HUNK: variants seen among roughly 807,000 people sequenced by gnomAD.
HUNK encodes the protein hormonally up-regulated Neu-associated kinase, also known as hormonally up-regulated neu tumor-associated kinase.
A neutral mutation model predicts 61.0 loss-of-function variants in HUNK; 21 were observed. That is an observed-to-expected ratio of 0.34 (90% CI 0.24 to 0.50). HUNK has a LOEUF of 0.50. HUNK is among the 20% of genes least tolerant of loss of function. HUNK has a pLI of 0.98. For synonymous variants in HUNK, 371 were observed against 386.1 expected (o/e 0.96, Z 0.46); for missense variants, 772 against 945.7 (o/e 0.82, Z 2.41).
At chr21:31,934,662 C>T (rs2052720462) in intron 2 of HUNK, among the ~76,000 whole-genome samples, 1 of 152,108 alleles carries the variant, frequency 6.6e-6, no homozygotes, top group Non-Finnish European at 1.5e-5. Flanking sequence ...CTCCTCTTTC[C>T]CACCCTTCTC....
At chr21:31,905,666 G>A (rs1231367043) in intron 1 of HUNK, among the ~76,000 whole-genome samples, 2 of 152,214 alleles carry the variant, frequency 1.3e-5, no homozygotes, top group Non-Finnish European at 2.9e-5. Flanking sequence ...GGGAGGCCAG[G>A]AGGATTTATG....
At chr21:31,878,085 C>A (rs2052278902) in intron 1 of HUNK, among the ~76,000 whole-genome samples, 1 of 151,080 alleles carries the variant, frequency 6.6e-6, no homozygotes. Flanking sequence ...ATGGTGAAAC[C>A]CTGTCTCTAA....
intron 1 of HUNK, among the ~76,000 whole-genome samples, chr21:31,887,822 C>T (rs1195085119): frequency 6.6e-6 from 1 of 152,152 alleles, no homozygotes; most frequent in South Asian, 2.1e-4. Context: ...GGATTCTTAG[C>T]GATTCCCTTG....
At chr21:31,891,780 A>G (rs1157029076) in intron 1 of HUNK, among the ~76,000 whole-genome samples, 2 of 152,154 alleles carry the variant, frequency 1.3e-5, no homozygotes, top group South Asian at 2.1e-4. Flanking sequence ...TGTCTAACCA[A>G]TCCAGTAGTC....
At chr21:31,894,717 A>G (rs1393824405) in intron 1 of HUNK, among the ~76,000 whole-genome samples, 1 of 152,180 alleles carries the variant, frequency 6.6e-6, no homozygotes, top group Non-Finnish European at 1.5e-5. Flanking sequence ...TTCCTGTTTG[A>G]ATGGATGCAG....
At chr21:31,938,240 C>T (rs2052744885) in intron 2 of HUNK, among the ~76,000 whole-genome samples, 1 of 152,318 alleles carries the variant, frequency 6.6e-6, no homozygotes, top group African/African-American at 2.4e-5. Context: ...CAGTGTTCCC[C>T]ACCAGCCTGT....
intron 4 of HUNK, among the ~76,000 whole-genome samples, chr21:31,948,186 C>T (rs115079266): frequency 0.012 from 1,876 of 152,350 alleles, 25 homozygotes; most frequent in African/African-American, 0.041. Context: ...AGCTCTCCAA[C>T]GTGGCGTGTG....
chr21:31,876,316 T>C (rs1177732650), intron 1 of HUNK, among the ~76,000 whole-genome samples: 1 of 152,180 alleles, frequency 6.6e-6, no homozygotes, highest in African/African-American at 2.4e-5. Flanking sequence ...GCTCCAGGGA[T>C]TGCGGGCATT....
intron 6 of HUNK, chr21:31,974,210 G>T: frequency 6.0e-6 from 1 of 167,208 alleles, no homozygotes; most frequent in Non-Finnish European, 1.3e-5. Flanking sequence ...AAATTTTATT[G>T]GGTATGTTGA....
chr21:31,921,053 G>A (rs1173998342), intron 1 of HUNK, among the ~76,000 whole-genome samples: 1 of 150,606 alleles, frequency 6.6e-6, no homozygotes, highest in East Asian at 2.0e-4. Flanking sequence ...TCAGGAGGCT[G>A]AGGCAGGAGA....
rs558367880 is a variant in HUNK at position 32,000,779 on chromosome 21, C to T, written c.*1595C>T. The stretch of plus-strand genomic sequence containing the variant: ...TCATTCTCTCATTCACCAGTGGTGA[C>T]ATCCTTCAGTCCCTCACATCTCTGA... On this transcript the variant is annotated 3_prime_UTR_variant, in exon 11 of 11. Coordinates refer to ENST00000270112, the MANE Select transcript of HUNK (RefSeq NM_014586.2). The T allele has an allele frequency of 3.5e-4, 140 of 398,652 alleles. No homozygotes were observed. Among genetic ancestry groups the T allele is most frequent in the African/African-American group, 2.3e-3 (113 of 48,764 alleles). 24.7% of individuals were successfully genotyped at this position (398,652 alleles called of 1,614,324 possible). A position where few individuals can be genotyped will look rare whatever the true frequency, so the allele number is the denominator to read the frequency against.
At chr21:31,963,382 T>G (rs1205301032) in intron 5 of HUNK, among the ~76,000 whole-genome samples, 2 of 152,238 alleles carry the variant, frequency 1.3e-5, no homozygotes, top group African/African-American at 4.8e-5. Context: ...AGGTATTATC[T>G]ATTGTCTCTA....
intron 1 of HUNK, among the ~76,000 whole-genome samples, chr21:31,881,498 C>T (rs1235784957): frequency 6.6e-6 from 1 of 152,016 alleles, no homozygotes; most frequent in African/African-American, 2.4e-5. Flanking sequence ...GTGTGTGTTC[C>T]TGTAATCCCA....
At chr21:31,917,232 GC>G (rs1259746902) in intron 1 of HUNK, among the ~76,000 whole-genome samples, 3 of 151,782 alleles carry the variant, frequency 2.0e-5, no homozygotes, top group Non-Finnish European at 4.4e-5. Flanking sequence ...TCACTCTGTC[GC>G]CCAGGCTTGA....
In HUNK at chr21:32,002,050, G is replaced by A. The variant is rs1216845196; in HGVS notation, c.*2866G>A. The stretch of plus-strand genomic sequence containing the variant: ...GATAAATCTTAAAACAACTAAGTAC[G>A]TTGCAAATAATAGTACAGGTACCAT... On this transcript the variant is annotated 3_prime_UTR_variant, in exon 11 of 11. Coordinates refer to ENST00000270112, the MANE Select transcript of HUNK (RefSeq NM_014586.2). 3 of 152,534 alleles carry A rather than the reference G, an allele frequency of 2.0e-5. No homozygotes were observed. Among genetic ancestry groups the A allele is most frequent in the Non-Finnish European group, 4.4e-5 (3 of 68,030 alleles). The allele number at this position is 152,534 out of a possible 1,614,324, so 9.4% of individuals were successfully genotyped here.
At chr21:31,959,424 GT>G (rs2052912624) in intron 5 of HUNK, among the ~76,000 whole-genome samples, 1 of 152,196 alleles carries the variant, frequency 6.6e-6, no homozygotes, top group African/African-American at 2.4e-5. Context: ...TGTTTTGTGA[GT>G]TGAGGTTTTG....
At chr21:31,974,793 T>G in intron 7 of HUNK, 76 bp downstream of exon 7, 1 of 1,338,618 alleles carries the variant, frequency 7.5e-7, no homozygotes, top group Non-Finnish European at 1.0e-6. Context: ...TGCTTCTCAG[T>G]TGCTGACACT....
chr21:31,904,477 C>G (rs1220838092), intron 1 of HUNK, among the ~76,000 whole-genome samples: 1 of 152,082 alleles, frequency 6.6e-6, no homozygotes, highest in Non-Finnish European at 1.5e-5. Context: ...GGCTTATTTG[C>G]AGAAAAGTTA....
chr21:31,939,511 C>T (rs1265419801), intron 2 of HUNK, among the ~76,000 whole-genome samples: 5 of 144,548 alleles, frequency 3.5e-5, no homozygotes, highest in South Asian at 4.4e-4. Flanking sequence ...CGGGTACAAG[C>T]GATTCTCCTG....
Sources: allele counts gnomAD v4.1 joint callset (sites outside exome capture counted in the v4.1 genomes callset), GRCh38; gene constraint gnomAD v4.1.1; transcripts MANE v1.5; gene names NCBI Gene and HGNC (gene_info 2026-07-23, HGNC 2026-07-21).